The following CDH6 variants were observed in gnomAD, a reference collection of about 807,000 sequenced individuals.
The protein encoded by CDH6 is cadherin-6.
Under a neutral mutation model 78.0 loss-of-function variants are expected in CDH6, and 31 were observed. The observed-to-expected ratio is 0.40, with a 90% CI of 0.30 to 0.54. The LOEUF (loss-of-function observed/expected upper bound fraction) is 0.54. Among genes scored for constraint, CDH6 ranks in the 20% least tolerant of loss-of-function variants. The probability of loss-of-function intolerance (pLI) is 0.56; values close to 1 mark genes in which losing one functional copy is unlikely to be tolerated. For missense variants in CDH6, 724 were observed against 975.9 expected, an observed-to-expected ratio of 0.74 and a Z score of 3.44; for synonymous variants, 376 against 368.8, an observed-to-expected ratio of 1.02 and a Z score of -0.23.
intron 4 of CDH6, among the ~76,000 whole-genome samples, chr5:31,298,800 A>G (rs1171790750): frequency 6.6e-6 from 1 of 152,190 alleles, no homozygotes; most frequent in Non-Finnish European, 1.5e-5. Flanking sequence ...GGGCCAGTTG[A>G]ACTAAAGTTC....
intron 1 of CDH6, among the ~76,000 whole-genome samples, chr5:31,196,230 C>G (rs1188457793): frequency 6.6e-6 from 1 of 152,122 alleles, no homozygotes; most frequent in Non-Finnish European, 1.5e-5. Flanking sequence ...ATGTACCTTG[C>G]AAAATACTGC....
intron 5 of CDH6, 35 bp downstream of exon 5, chr5:31,299,666 T>A (rs772550867): frequency 3.2e-6 from 5 of 1,556,338 alleles, no homozygotes; most frequent in Non-Finnish European, 4.4e-6. Flanking sequence ...TTCTTCAATG[T>A]GCTTTTATAA....
intron 1 of CDH6, among the ~76,000 whole-genome samples, chr5:31,216,844 T>C (rs1740876284): frequency 6.6e-6 from 1 of 152,158 alleles, no homozygotes; most frequent in Admixed American, 6.5e-5. Context: ...TGATTTTAAC[T>C]GTAGTACTAA....
chr5:31,305,277 C>G lies in CDH6; in HGVS notation c.1103C>G (p.Ala368Gly), dbSNP rs1344748505. 6.2e-7 allele frequency: 1 copy of G among 1,614,114 alleles called. No homozygotes were observed. Among genetic ancestry groups the G allele is most frequent in the East Asian group, 2.2e-5 (1 of 44,864 alleles). Residue 368 changes from alanine to glycine, a missense_variant, in exon 7 of 12, where the codon GCC (alanine) becomes GGC (glycine). Physicochemically the swap from Ala to Gly is moderately conservative, Grantham distance 60 (BLOSUM62 0). Coordinates refer to ENST00000265071, the MANE Select transcript of CDH6 (RefSeq NM_004932.4). ...TACTTGGGGCCTTTCAAAGATTCAG[C>G]CACGGTTAGAATTGTGGTGGAGGAT... ...FLYLGPFKDS[A>G]TVRIVVEDVD...
At chr5:31,313,296 T>A in intron 7 of CDH6, 22 bp from the exon 8 acceptor site, 1 of 1,599,572 alleles carries the variant, frequency 6.3e-7, no homozygotes. Context: ...AAGCCTTTCT[T>A]AATTCCACTC....
intron 1 of CDH6, among the ~76,000 whole-genome samples, chr5:31,234,799 C>T (rs1213303477): frequency 6.6e-6 from 1 of 152,198 alleles, no homozygotes; most frequent in African/African-American, 2.4e-5. Context: ...ATGCATGACA[C>T]ATATGCATAC....
At chr5:31,287,244 AGCATATAAGGG>A (rs544001960) in intron 2 of CDH6, among the ~76,000 whole-genome samples, 11 of 152,272 alleles carry the variant, frequency 7.2e-5, no homozygotes, top group African/African-American at 2.6e-4. Flanking sequence ...ACAGGATACC[AGCATATAAGGG>A]GCAGATAGAG....
rs1475335911 is a variant in CDH6 at position 31,267,289 on chromosome 5, C to T, written c.-128-57C>T. The T allele has an allele frequency of 7.0e-6, 4 of 570,606 alleles. 1 individual carries two copies. Among genetic ancestry groups the T allele is most frequent in the Admixed American group, 3.0e-5 (1 of 33,556 alleles). 35.3% of individuals were successfully genotyped at this position (570,606 alleles called of 1,614,324 possible). A position where few individuals can be genotyped will look rare whatever the true frequency, so the allele number is the denominator to read the frequency against. ...CCTCTTTTTTCCCAGCCTATTTGCT[C>T]TAACACTGAATTTTAAGCATCTCTA... On this transcript the variant is annotated intron_variant, in intron 1 of 11. Transcript: ENST00000265071.
rs370528050 is a variant in CDH6, at chr5:31,313,474, G to A, written c.1390+20G>A. ...AGATCAGTAAGTCCTACCTAATACC[G>A]CTGCTGTCCCCTATTAATAGACTGA... On this transcript the variant is annotated intron_variant, in intron 8 of 11. Transcript: ENST00000265071. 122 of 1,607,060 alleles carry A rather than the reference G, an allele frequency of 7.6e-5. No individual in the cohort carries two copies. Among genetic ancestry groups the A allele is most frequent in the African/African-American group, 2.7e-4 (20 of 74,776 alleles).
chr5:31,245,121 C>G (rs927733808), intron 1 of CDH6, among the ~76,000 whole-genome samples: 1 of 152,136 alleles, frequency 6.6e-6, no homozygotes, highest in East Asian at 1.9e-4. Flanking sequence ...AAGCAAGTCC[C>G]AGTGGAGGAG....
intron 2 of CDH6, among the ~76,000 whole-genome samples, chr5:31,267,906 G>C (rs1258835765): frequency 6.6e-6 from 1 of 152,088 alleles, no homozygotes; most frequent in African/African-American, 2.4e-5. Context: ...AACAAAGAGA[G>C]AGAAAATGCT....
chr5:31,321,920 T>C (rs1738486448), intron 11 of CDH6, among the ~76,000 whole-genome samples: 1 of 152,194 alleles, frequency 6.6e-6, no homozygotes, highest in Non-Finnish European at 1.5e-5. Flanking sequence ...CATTCATAGA[T>C]AGATGTGTCT....
chr5:31,301,323 A>G (rs941926147), intron 5 of CDH6, among the ~76,000 whole-genome samples: 3 of 152,228 alleles, frequency 2.0e-5, no homozygotes, highest in African/African-American at 7.2e-5. Context: ...AAAAGGGTAG[A>G]ATAAGCCTTG....
rs1740849110 is a variant in CDH6, at chr5:31,215,942, C to T, written c.-129+22056C>T. 2.0e-5 allele frequency among the ~76,000 whole-genome samples: 3 copies of T among 152,100 alleles called. No homozygotes were observed. The South Asian group carries it at 6.2e-4, about 32-fold the overall frequency. ...TAAAACCTGTGTTTCCTGATAATGA[C>T]TGTGTGTTTACACTCACCATCATAA... On this transcript the variant is annotated intron_variant, in intron 1 of 11. Transcript: ENST00000265071.
intron 1 of CDH6, among the ~76,000 whole-genome samples, chr5:31,208,112 C>T (rs1472593826): frequency 6.6e-6 from 1 of 152,194 alleles, no homozygotes; most frequent in Non-Finnish European, 1.5e-5. Flanking sequence ...GTAGCTGTGA[C>T]AGTTTAGCAT....
intron 1 of CDH6, among the ~76,000 whole-genome samples, chr5:31,261,034 A>C (rs1742198468): frequency 6.6e-6 from 1 of 152,184 alleles, no homozygotes; most frequent in Non-Finnish European, 1.5e-5. Flanking sequence ...CGGGAAATTG[A>C]TCTTGAGCAA....
chr5:31,323,562 G>C lies in CDH6; in HGVS notation c.*254G>C. On this transcript the variant is annotated 3_prime_UTR_variant, in exon 12 of 12. Transcript: ENST00000265071. ...CAGGCAGGTGCCGGAGGGGAGGACA[G>C]GGAACAGTATTTCCACTTGTTCTCA... 2.1e-6 allele frequency: 1 copy of C among 472,492 alleles called. No individual in the cohort carries two copies. Among genetic ancestry groups the C allele is most frequent in the South Asian group, 2.8e-5 (1 of 35,660 alleles). The allele number at this position is 472,492 out of a possible 1,614,324, so 29.3% of individuals were successfully genotyped here.
At chr5:31,259,082 G>A (rs916336071) in intron 1 of CDH6, among the ~76,000 whole-genome samples, 2 of 152,176 alleles carry the variant, frequency 1.3e-5, no homozygotes, top group Non-Finnish European at 2.9e-5. Flanking sequence ...CCTTTGTGAT[G>A]GGCTTAGCAA....
Position 31,267,497 on chromosome 5 carries a change from G to A in CDH6, c.24G>A (p.Leu8=). 1 of 1,614,038 alleles carries A rather than the reference G, an allele frequency of 6.2e-7. No individual in the cohort carries two copies. The highest frequency in any genetic ancestry group is 8.5e-7 in the Non-Finnish European group (1 of 1,179,994). MRTYRYF[L]LLFWVGQPYP... ...GCATGAGAACTTACCGCTACTTCTT[G>A]CTGCTCTTTTGGGTGGGCCAGCCCT... The change falls in exon 2 of 12, where the codon TTG becomes TTA. Residue 8 remains leucine (L), a synonymous_variant. Transcript: ENST00000265071.
Sources: allele counts gnomAD v4.1 joint callset (sites outside exome capture counted in the v4.1 genomes callset), GRCh38; gene constraint gnomAD v4.1.1; transcripts MANE v1.5; gene names NCBI Gene and HGNC (gene_info 2026-07-23, HGNC 2026-07-21).